The following ADAM15 variants were observed in gnomAD, a reference collection of about 807,000 sequenced individuals.
ADAM15 encodes the protein ADAM metallopeptidase domain 15, also known as disintegrin and metalloproteinase domain-containing protein 15.
Under a neutral mutation model 113.8 loss-of-function variants are expected in ADAM15, and 77 were observed. The observed-to-expected ratio is 0.68, with a 90% CI of 0.56 to 0.82. ADAM15 has a LOEUF of 0.82. Among genes scored for constraint, ADAM15 ranks in the 40% least tolerant of loss-of-function variants. The pLI is 0.00. For synonymous variants in ADAM15, 388 were observed against 454.1 expected (o/e 0.85, Z 1.85); for missense variants, 963 against 1,120.1 (o/e 0.86, Z 2.00).
Position 155,057,432 on chromosome 1 carries a change from C to A in ADAM15, c.1323+70C>A. 6.3e-7 allele frequency: 1 copy of A among 1,590,930 alleles called. No individual in the cohort carries two copies. The highest frequency in any genetic ancestry group is 1.1e-5 in the South Asian group (1 of 89,456). On this transcript the variant is annotated intron_variant, in intron 12 of 22. Coordinates refer to ENST00000356955, the MANE Select transcript of ADAM15 (RefSeq NM_207197.3). This position sits in a 1 kb window ranked among gnomAD's most constrained non-coding sequence, Gnocchi z 5.0. ...TCACCCTGGCTCATTAGCCCTATCC[C>A]AGCCTCCTGAGCTCTTGGGTTCTGA...
At position 155,059,979 on chromosome 1, in the gene ADAM15, C is replaced by G. The variant is rs755339823; in HGVS notation, c.2068+5C>G. The G allele has an allele frequency of 9.3e-6, 15 of 1,613,940 alleles. No individual in the cohort carries two copies. Among genetic ancestry groups the G allele is most frequent in the Non-Finnish European group, 1.3e-5 (15 of 1,179,898 alleles). On this transcript the variant is annotated splice_donor_5th_base_variant and intron_variant, in intron 17 of 22. Transcript: ENST00000356955. ...ACTGCACCACTCAGCTCAAAGGTAG[C>G]ATGGGGGTGGGGGACAGGGGCAGCT... is the stretch of plus-strand genomic sequence containing the variant.
In ADAM15 at chr1:155,056,632, T is replaced by G. The variant is rs1661800109; in HGVS notation, c.999+162T>G. Among the ~76,000 whole-genome samples, 1 of 152,174 alleles carries G rather than the reference T, an allele frequency of 6.6e-6. No individual in the cohort carries two copies. The highest frequency in any genetic ancestry group is 2.4e-5 in the African/African-American group (1 of 41,420). ...GCCTTTGCTATCAGGGAGCCCTCGC[T>G]TATGGCCAGCTAGTCACAGTGTACA... On this transcript the variant is annotated intron_variant, in intron 10 of 22. Transcript: ENST00000356955. The surrounding 1 kb of genome is among the most constrained non-coding windows in gnomAD (Gnocchi z 4.0).
At position 155,058,021 on chromosome 1, in the gene ADAM15, G is replaced by A; in HGVS notation, c.1587G>A (p.Gln529=). 6.2e-7 allele frequency: 1 copy of A among 1,613,980 alleles called. No homozygotes were observed. Among genetic ancestry groups the A allele is most frequent in the Non-Finnish European group, 8.5e-7 (1 of 1,180,040 alleles). The part of the protein sequence containing the change: ...CMHGRCASYA[Q]QCQSLWGPGA... ...ACGGGCGTTGTGCCTCCTATGCCCA[G>A]CAGTGCCAGTCACTTTGGGGACCTG... The change falls in exon 14 of 23, where the codon CAG becomes CAA. Residue 529 remains glutamine (Q), a synonymous_variant. Transcript: ENST00000356955. This position sits in a 1 kb window ranked among gnomAD's most constrained non-coding sequence, Gnocchi z 4.3.
rs746703514 is a variant in ADAM15, at chr1:155,051,423, G to A, written c.37G>A (p.Gly13Ser). The change falls in exon 1 of 23, where the codon GGC (glycine) becomes AGC (serine). Residue 13 changes from glycine (G) to serine (S), a missense_variant. Coordinates refer to ENST00000356955, the MANE Select transcript of ADAM15 (RefSeq NM_207197.3). The part of the protein sequence containing the change: ...LALLWALGLL[G>S]AGSPLPSWPL... ...GCTGCTCTGGGCCCTGGGGCTCCTGGGCGCGGGCAGCCCTCTGCCTTCCTG... is the reference window on the plus strand; with the variant it reads ...GCTGCTCTGGGCCCTGGGGCTCCTGAGCGCGGGCAGCCCTCTGCCTTCCTG... 1 of 1,565,566 alleles carries A rather than the reference G, an allele frequency of 6.4e-7. No homozygotes were observed. The highest frequency in any genetic ancestry group is 8.6e-7 in the Non-Finnish European group (1 of 1,161,238).
rs1460710327 is a variant in ADAM15 at position 155,058,728 on chromosome 1, T to C, written c.1936T>C (p.Cys646Arg). The change falls in exon 16 of 23, where the codon TGC (cysteine) becomes CGC (arginine). Residue 646 changes from cysteine to arginine, a missense_variant. Coordinates refer to ENST00000356955, the MANE Select transcript of ADAM15 (RefSeq NM_207197.3). The surrounding 1 kb of genome is among the most constrained non-coding windows in gnomAD (Gnocchi z 4.3). The stretch of plus-strand genomic sequence containing the variant: ...GGGTCAGGTGTGTATAGACCATCGA[T>C]GCCAGCGTGTGGATCTCCTGGGGGC... Reference protein sequence around the residue: ...GPGLVCIDHRCQRVDLLGAQE... With the variant: ...GPGLVCIDHRRQRVDLLGAQE... The C allele has an allele frequency of 6.2e-7, 1 of 1,613,760 alleles. No homozygotes were observed. Among genetic ancestry groups the C allele is most frequent in the Non-Finnish European group, 8.5e-7 (1 of 1,179,874 alleles).
rs1453851487 is a variant in ADAM15, at chr1:155,057,773, GC to G, written c.1416+46del. 9 of 1,613,856 alleles carry G rather than the reference GC, an allele frequency of 5.6e-6. No homozygotes were observed. The Admixed American group carries it at 1.5e-4, about 27-fold the overall frequency. ...GGCCACCCGGAGCTCACCTGCCGGG[GC>G]CAAGGTGGAAAGGGTCATTCTGACC... On this transcript the variant is annotated intron_variant, in intron 13 of 22. Coordinates refer to ENST00000356955, the MANE Select transcript of ADAM15 (RefSeq NM_207197.3). This position sits in a 1 kb window ranked among gnomAD's most constrained non-coding sequence, Gnocchi z 5.0.
Position 155,058,841 on chromosome 1 carries a change from A to G in ADAM15, c.1995+54A>G, listed in dbSNP as rs1374948258. 1.3e-6 allele frequency: 2 copies of G among 1,551,260 alleles called. No homozygotes were observed. Among genetic ancestry groups the G allele is most frequent in the Non-Finnish European group, 8.7e-7 (1 of 1,148,998 alleles). The stretch of plus-strand genomic sequence containing the variant: ...GAGCAGAGAGCCTCTAGAGAGGAAA[A>G]GGATACTGGGCTTTGGAAATAGACA... On this transcript the variant is annotated intron_variant, in intron 16 of 22. Transcript: ENST00000356955. This position sits in a 1 kb window ranked among gnomAD's most constrained non-coding sequence, Gnocchi z 4.3.
At position 155,062,355 on chromosome 1, in the gene ADAM15, A is replaced by G; in HGVS notation, c.2535A>G (p.Leu845=). 2 of 1,579,426 alleles carry G rather than the reference A, an allele frequency of 1.3e-6. No homozygotes were observed. ...LPGPGAGIPP[L]VVPSRPAPPP... ...GCCCAGGGGCTGGAATCCCGCCCCT[A>G]GTGGTACCCTCCAGGTAGGAGGAGC... The change falls in exon 22 of 23, where the codon CTA becomes CTG. Residue 845 remains leucine (L), a synonymous_variant. Transcript: ENST00000356955. This position sits in a 1 kb window ranked among gnomAD's most constrained non-coding sequence, Gnocchi z 7.0.
At chr1:155,061,622 C>A in intron 20 of ADAM15, 133 bp downstream of exon 20, 1 of 1,012,832 alleles carries the variant, frequency 9.9e-7, no homozygotes, top group Non-Finnish European at 1.4e-6. Context: ...CCTTCAGACA[C>A]TCTGAGCCCC....
rs572162097 is a variant in ADAM15, at chr1:155,056,871, G to A, written c.1000-82G>A. ...GTGCCCACGAGGTCAGACGTGGAGG[G>A]AACAGGAGCAGAGAGGGTGGTCTGG... On this transcript the variant is annotated intron_variant, in intron 10 of 22. Transcript: ENST00000356955. The surrounding 1 kb of genome is among the most constrained non-coding windows in gnomAD (Gnocchi z 4.0). 7.6e-5 allele frequency: 114 copies of A among 1,505,518 alleles called. No individual in the cohort carries two copies. The African/African-American group carries it at 1.5e-3, about 19-fold the overall frequency. The allele number at this position is 1,505,518 out of a possible 1,614,324, so 93.3% of individuals were successfully genotyped here.
chr1:155,053,571 T>C, intron 3 of ADAM15, 78 bp downstream of exon 3: 1 of 1,463,406 alleles, frequency 6.8e-7, no homozygotes, highest in Non-Finnish European at 9.6e-7. Context: ...AGGTACTAAG[T>C]GCTTGTGCTC....
intron 1 of ADAM15, chr1:155,052,186 G>C (rs927149361): frequency 6.5e-6 from 2 of 306,282 alleles, no homozygotes; most frequent in Non-Finnish European, 6.2e-6. Context: ...GGGTGTGCCT[G>C]ACTGGGCATG....
chr1:155,052,393 TG>T, intron 1 of ADAM15: 1 of 1,108,498 alleles, frequency 9.0e-7, no homozygotes, highest in Non-Finnish European at 1.3e-6. Context: ...TGTGAGAACC[TG>T]GGATTGGCCG....
At chr1:155,051,577 G>A (rs1661021480) in intron 1 of ADAM15, 112 bp downstream of exon 1, 3 of 1,068,234 alleles carry the variant, frequency 2.8e-6, no homozygotes, top group Non-Finnish European at 3.8e-6. Context: ...AGCCCAGCCA[G>A]AGCGCGGCCC....
rs1477718380 is a variant in ADAM15, at chr1:155,053,447, T to A, written c.217T>A (p.Leu73Met). Residue 73 changes from leucine to methionine, a missense_variant, in exon 3 of 23, where the codon TTG becomes ATG. Leu to Met is a conservative substitution (Grantham distance 15). Transcript: ENST00000356955. ...TCTGCCTGAGCCCCTGAGGATCAAG[T>A]TGGAGCTGGACGGTGACAGTCATAT... ...TSLPEPLRIKLELDGDSHILE... is the reference protein window; with the variant it reads ...TSLPEPLRIKMELDGDSHILE... 6.2e-7 allele frequency: 1 copy of A among 1,613,980 alleles called. No homozygotes were observed. Among genetic ancestry groups the A allele is most frequent in the Non-Finnish European group, 8.5e-7 (1 of 1,180,024 alleles).
chr1:155,062,402 C>G lies in ADAM15; in HGVS notation c.2549+33C>G, dbSNP rs200865722. The G allele has an allele frequency of 6.2e-7, 1 of 1,609,720 alleles. No individual in the cohort carries two copies. The highest frequency in any genetic ancestry group is 8.5e-7 in the Non-Finnish European group (1 of 1,178,654). On this transcript the variant is annotated intron_variant, in intron 22 of 22. Coordinates refer to ENST00000356955, the MANE Select transcript of ADAM15 (RefSeq NM_207197.3). This position sits in a 1 kb window ranked among gnomAD's most constrained non-coding sequence, Gnocchi z 7.0. ...GAGCCCTGGGCATGGGTGGGCGGGGCGAGTGACCTGGGGGAAAGGGGCCTC... is the reference window on the plus strand; with the variant it reads ...GAGCCCTGGGCATGGGTGGGCGGGGGGAGTGACCTGGGGGAAAGGGGCCTC...
chr1:155,061,562 C>A (rs970541918), intron 20 of ADAM15, 73 bp downstream of exon 20: 25 of 1,471,242 alleles, frequency 1.7e-5, no homozygotes, highest in Non-Finnish European at 2.2e-5. Context: ...GTTCTCATCC[C>A]TGCTCCCTGC....
rs755451757 is a variant in ADAM15 at position 155,062,060 on chromosome 1, G to A, written c.2424+85G>A. On this transcript the variant is annotated intron_variant, in intron 21 of 22. Coordinates refer to ENST00000356955, the MANE Select transcript of ADAM15 (RefSeq NM_207197.3). This position sits in a 1 kb window ranked among gnomAD's most constrained non-coding sequence, Gnocchi z 7.0. ...TAGCCATGACGGTGGTGGCCGTGGC[G>A]AGATGCCCCCTCAGTGCATGAGGGC... 1 of 1,478,180 alleles carries A rather than the reference G, an allele frequency of 6.8e-7. No individual in the cohort carries two copies. Among genetic ancestry groups the A allele is most frequent in the Non-Finnish European group, 9.0e-7 (1 of 1,112,236 alleles). The allele number at this position is 1,478,180 out of a possible 1,614,324, so 91.6% of individuals were successfully genotyped here. A position where few individuals can be genotyped will look rare whatever the true frequency, so the allele number is the denominator to read the frequency against.
Position 155,060,788 on chromosome 1 carries a change from C to A in ADAM15, c.2233C>A (p.Arg745=). The A allele has an allele frequency of 1.2e-6, 2 of 1,613,516 alleles. No homozygotes were observed. The highest frequency in any genetic ancestry group is 1.7e-6 in the Non-Finnish European group (2 of 1,179,996). ...YRAAQSGPSE[R]PGPPQRALLA... ...GGCAGCCCAATCTGGTCCCTCTGAA[C>A]GGCCAGGACCTCCGCAGAGGGCCCT... The change falls in exon 19 of 23, where the codon CGG becomes AGG. Residue 745 remains arginine, a synonymous_variant. Transcript: ENST00000356955.
Sources: gnomAD v4.1 joint callset for allele counts (sites outside exome capture counted in the v4.1 genomes callset) on GRCh38, gnomAD v4.1.1 for gene constraint, Gnocchi (gnomAD v3.1) non-coding constraint, MANE v1.5 for transcripts, NCBI Gene and HGNC (gene_info 2026-07-23, HGNC 2026-07-21) for gene names.